HERC3: variants seen among roughly 807,000 people sequenced by gnomAD.
HERC3 encodes HECT and RLD domain containing E3 ubiquitin protein ligase 3.
A neutral mutation model predicts 129.9 loss-of-function variants in HERC3; 58 were observed. The ratio of observed to expected loss-of-function variants is 0.45; its 90% CI spans 0.36 to 0.56. HERC3 has a LOEUF of 0.56. Among genes scored for constraint, HERC3 ranks in the 20% least tolerant of loss-of-function variants. HERC3 has a pLI of 0.00. For synonymous variants in HERC3, 430 were observed against 451.0 expected, an observed-to-expected ratio of 0.95 and a Z score of 0.59; for missense variants, 835 against 1,244.2, an observed-to-expected ratio of 0.67 and a Z score of 4.95.
intron 23 of HERC3, among the ~76,000 whole-genome samples, chr4:88,699,699 T>C (rs1244854666): frequency 6.6e-6 from 1 of 151,892 alleles, no homozygotes; most frequent in Non-Finnish European, 1.5e-5. Flanking sequence ...AAAAAAAAAA[T>C]CCCACATTTT....
In HERC3 at chr4:88,692,166, A is replaced by T. The variant is rs191037369; in HGVS notation, c.2657+4867A>T. The stretch of plus-strand genomic sequence containing the variant: ...TCACATCTGGATAATACTATATCAC[A>T]TGACTACTCATGGTTAAGCATTTCT... On this transcript the variant is annotated intron_variant, in intron 23 of 25. Transcript: ENST00000402738. Among the ~76,000 whole-genome samples, 371 of 152,310 alleles carry T rather than the reference A, an allele frequency of 2.4e-3. 4 individuals are homozygous for T. In the South Asian group the frequency reaches 0.025, roughly 10 times the overall value.
chr4:88,671,762 GATTCACC>G (rs1731641772), intron 16 of HERC3, among the ~76,000 whole-genome samples: 1 of 152,118 alleles, frequency 6.6e-6, no homozygotes, highest in South Asian at 2.1e-4. Context: ...GAGCTCAAGT[GATTCACC>G]AGCCTCGGCC....
chr4:88,663,489 T>A (rs1312865132), intron 11 of HERC3, among the ~76,000 whole-genome samples: 1 of 152,188 alleles, frequency 6.6e-6, no homozygotes, highest in Non-Finnish European at 1.5e-5. Flanking sequence ...GAAGACATGA[T>A]CTTTAAAGAT....
At position 88,659,039 on chromosome 4, in the gene HERC3, A is replaced by G. The variant is rs535482307; in HGVS notation, c.1146+548A>G. ...TGACATTGTCTTTCTGCCTGAAGGTAGAGTGTGGATCCAGGTTTCTGTGAC... is the reference window on the plus strand; with the variant it reads ...TGACATTGTCTTTCTGCCTGAAGGTGGAGTGTGGATCCAGGTTTCTGTGAC... On this transcript the variant is annotated intron_variant, in intron 10 of 25. Transcript: ENST00000402738. Among the ~76,000 whole-genome samples the G allele has an allele frequency of 8.5e-5, 13 of 152,302 alleles. No homozygotes were observed. The South Asian group carries it at 2.5e-3, about 29-fold the overall frequency.
At chr4:88,590,273 A>G (rs1721630494), upstream of HERC3, among the ~76,000 whole-genome samples, 1 of 137,154 alleles carries the variant, frequency 7.3e-6, no homozygotes, top group Non-Finnish European at 1.6e-5. Context: ...TTCTCAAAAA[A>G]ACAAACTCCG....
At chr4:88,617,357 T>TAAC (rs201293085) in intron 3 of HERC3, among the ~76,000 whole-genome samples, 2 of 151,880 alleles carry the variant, frequency 1.3e-5, no homozygotes, top group Non-Finnish European at 2.9e-5. Flanking sequence ...AGAGAGCCCT[T>TAAC]AACAACAACA....
At chr4:88,647,935 A>G (rs1578237276) in intron 3 of HERC3, among the ~76,000 whole-genome samples, 1 of 151,292 alleles carries the variant, frequency 6.6e-6, no homozygotes, top group Non-Finnish European at 1.5e-5. Context: ...GAGTTCTGTT[A>G]TATTCTCTAC....
chr4:88,589,473 T>C (rs1039769320), upstream of HERC3, among the ~76,000 whole-genome samples: 13 of 152,266 alleles, frequency 8.5e-5, 1 homozygote, highest in African/African-American at 3.1e-4. Context: ...AATTATTTGG[T>C]TAATGTTTGT....
At chr4:88,586,361 C>CTT in the HERC3 span, among the ~76,000 whole-genome samples, 10 of 125,002 alleles carry the variant, frequency 8.0e-5, no homozygotes, top group Non-Finnish European at 1.4e-4. Context: ...TTTTTTCTTT[C>CTT]TTTTTTTTTT....
chr4:88,635,163 G>C (rs1323881256), intron 3 of HERC3, among the ~76,000 whole-genome samples: 1 of 152,040 alleles, frequency 6.6e-6, no homozygotes, highest in Non-Finnish European at 1.5e-5. Flanking sequence ...TGGATGAATT[G>C]ACAAAAACAG....
At chr4:88,528,091 C>A in the HERC3 span, 1 of 279,654 alleles carries the variant, frequency 3.6e-6, no homozygotes, top group South Asian at 3.9e-5. Context: ...TGTATATGTG[C>A]AATCCAGGTG....
At chr4:88,659,477 G>T (rs1578259966) in intron 10 of HERC3, among the ~76,000 whole-genome samples, 2 of 152,334 alleles carry the variant, frequency 1.3e-5, no homozygotes, top group East Asian at 3.9e-4. Flanking sequence ...CGAGGCTGTA[G>T]GCTGGACAGC....
At chr4:88,647,606 G>T (rs572475108) in intron 3 of HERC3, among the ~76,000 whole-genome samples, 250 of 152,274 alleles carry the variant, frequency 1.6e-3, no homozygotes, top group Admixed American at 3.6e-3. Context: ...GGTTAAAGAA[G>T]ATGGACAATG....
Position 88,654,151 on chromosome 4 carries a change from T to G in HERC3, c.777+18T>G. 1.3e-6 allele frequency: 2 copies of G among 1,567,964 alleles called. No individual in the cohort carries two copies. The highest frequency in any genetic ancestry group is 1.1e-5 in the South Asian group (1 of 90,034). Reference sequence around the variant, plus strand: ...TCACAAAGGTAAGGAGCTCAGAGTATTTTACTTTGGTGCTGGGGATATGAT... The same window carrying G: ...TCACAAAGGTAAGGAGCTCAGAGTAGTTTACTTTGGTGCTGGGGATATGAT... On this transcript the variant is annotated intron_variant, in intron 7 of 25. Transcript: ENST00000402738.
At chr4:88,591,748 A>G (rs1043704421), upstream of HERC3, among the ~76,000 whole-genome samples, 3 of 152,160 alleles carry the variant, frequency 2.0e-5, no homozygotes, top group African/African-American at 7.2e-5. Flanking sequence ...GGAAGAGGAC[A>G]AACTTTTAAA....
At chr4:88,697,472 C>T in intron 23 of HERC3, 3 of 1,614,178 alleles carry the variant, frequency 1.9e-6, no homozygotes, top group Non-Finnish European at 2.5e-6. Flanking sequence ...AATTTGGCTT[C>T]TATCTTATCG....
chr4:88,662,937 A>C (rs1298968320), intron 11 of HERC3, among the ~76,000 whole-genome samples: 1 of 151,660 alleles, frequency 6.6e-6, no homozygotes, highest in Admixed American at 6.6e-5. Context: ...ATCTTACCTA[A>C]TCTTAATAAT....
chr4:88,603,174 C>G lies in HERC3; in HGVS notation c.-29-2621C>G, dbSNP rs533143975. Among the ~76,000 whole-genome samples the G allele has an allele frequency of 1.7e-4, 26 of 151,462 alleles. No individual in the cohort carries two copies. In the South Asian group the frequency reaches 2.3e-3, roughly 13 times the overall value. ...GTTTACTGGCCAGGTTCCAAACTTG[C>G]AGCCATATTACAGGCTTCAATCGCT... On this transcript the variant is annotated intron_variant, in intron 2 of 25. Transcript: ENST00000402738.
the HERC3 span, among the ~76,000 whole-genome samples, chr4:88,545,098 G>T: frequency 6.6e-6 from 1 of 152,000 alleles, no homozygotes. Flanking sequence ...GGCACTGGGG[G>T]TTAGGACTTC....
Sources: allele counts gnomAD v4.1 joint callset (sites outside exome capture counted in the v4.1 genomes callset), GRCh38; gene constraint gnomAD v4.1.1; transcripts MANE v1.5; gene names NCBI Gene and HGNC (gene_info 2026-07-23, HGNC 2026-07-21).